GALNT13: variants seen among roughly 807,000 people sequenced by gnomAD.
GALNT13 encodes UDP-GalNAc:polypeptide N-acetylgalactosaminyltransferase 13.
A neutral mutation model predicts 64.2 loss-of-function variants in GALNT13; 28 were observed. The observed-to-expected ratio is 0.44, with a 90% CI of 0.32 to 0.60. GALNT13 has a LOEUF of 0.60. Among genes scored for constraint, GALNT13 ranks in the 20% least tolerant of loss-of-function variants. The pLI is 0.05. For missense variants in GALNT13, 577 were observed against 669.8 expected, an observed-to-expected ratio of 0.86 and a Z score of 1.53; for synonymous variants, 214 against 224.6, an observed-to-expected ratio of 0.95 and a Z score of 0.42.
At chr2:153,204,280 T>C in the GALNT13 span, among the ~76,000 whole-genome samples, 2 of 152,220 alleles carry the variant, frequency 1.3e-5, no homozygotes, top group Non-Finnish European at 2.9e-5. Flanking sequence ...TTGGTTGATG[T>C]ACTTCTCTCG....
intron 12 of GALNT13, among the ~76,000 whole-genome samples, chr2:154,442,546 A>C (rs758829920): frequency 3.9e-5 from 6 of 152,106 alleles, no homozygotes; most frequent in Non-Finnish European, 7.4e-5. Context: ...CTTCTGTGCC[A>C]TGAAATGCCT....
chr2:153,736,435 G>A, the GALNT13 span, among the ~76,000 whole-genome samples: 2 of 152,076 alleles, frequency 1.3e-5, no homozygotes, highest in Admixed American at 1.3e-4. Context: ...TTCCTCTCAA[G>A]AACATTGGTT....
chr2:154,057,029 T>A (rs927582172), intron 3 of GALNT13, among the ~76,000 whole-genome samples: 15 of 151,992 alleles, frequency 9.9e-5, no homozygotes, highest in African/African-American at 3.6e-4. Context: ...TATTTTTATT[T>A]TATTTTATTT....
the GALNT13 span, among the ~76,000 whole-genome samples, chr2:153,554,107 G>T: frequency 6.6e-6 from 1 of 151,472 alleles, no homozygotes; most frequent in African/African-American, 2.4e-5. Flanking sequence ...ACGAGGTCAG[G>T]AGATTGAGAC....
At chr2:153,777,729 G>C in the GALNT13 span, among the ~76,000 whole-genome samples, 1 of 152,112 alleles carries the variant, frequency 6.6e-6, no homozygotes, top group Non-Finnish European at 1.5e-5. Context: ...GCAGGCTTCG[G>C]GGCTTTGAGA....
chr2:153,681,531 G>A, the GALNT13 span, among the ~76,000 whole-genome samples: 2 of 151,648 alleles, frequency 1.3e-5, no homozygotes, highest in African/African-American at 2.4e-5. Context: ...TAAAAGACAT[G>A]AACAGAATTT....
chr2:153,696,131 A>G, the GALNT13 span, among the ~76,000 whole-genome samples: 1 of 152,198 alleles, frequency 6.6e-6, no homozygotes, highest in African/African-American at 2.4e-5. Context: ...CAAAACTTCA[A>G]AAGTAGGGAA....
chr2:153,370,036 T>C, the GALNT13 span, among the ~76,000 whole-genome samples: 4 of 152,278 alleles, frequency 2.6e-5, no homozygotes, highest in Middle Eastern at 3.4e-3. Context: ...CAGCAATAGA[T>C]ATCTAAGTTA....
At chr2:154,130,300 A>T (rs1052602893) in intron 3 of GALNT13, among the ~76,000 whole-genome samples, 1 of 152,054 alleles carries the variant, frequency 6.6e-6, no homozygotes, top group Non-Finnish European at 1.5e-5. Flanking sequence ...AGGGAAAGGG[A>T]CCCTGGCTGG....
the GALNT13 span, among the ~76,000 whole-genome samples, chr2:153,371,386 C>G: frequency 2.0e-5 from 3 of 152,036 alleles, no homozygotes; most frequent in Admixed American, 2.0e-4. Context: ...AAAATTCAAA[C>G]TATTTGCATA....
At chr2:153,768,403 A>G in the GALNT13 span, among the ~76,000 whole-genome samples, 3 of 152,170 alleles carry the variant, frequency 2.0e-5, no homozygotes, top group African/African-American at 4.8e-5. Flanking sequence ...GAAGTCCCGT[A>G]CTATTATTGT....
chr2:153,904,092 T>C (rs1270440577), intron 2 of GALNT13, among the ~76,000 whole-genome samples: 2 of 152,040 alleles, frequency 1.3e-5, no homozygotes, highest in East Asian at 3.8e-4. Context: ...CATTCTTCAG[T>C]GTATGGTGTC....
chr2:153,921,151 T>C (rs1689729984), intron 2 of GALNT13, among the ~76,000 whole-genome samples: 1 of 152,156 alleles, frequency 6.6e-6, no homozygotes, highest in African/African-American at 2.4e-5. Context: ...TATAAATCAC[T>C]CTACCATAAA....
the GALNT13 span, among the ~76,000 whole-genome samples, chr2:153,668,554 T>A: frequency 6.6e-6 from 1 of 151,818 alleles, no homozygotes; most frequent in Non-Finnish European, 1.5e-5. Flanking sequence ...TCCAAGTAGA[T>A]CTTCAGAAGG....
the GALNT13 span, among the ~76,000 whole-genome samples, chr2:153,361,379 A>G: frequency 6.6e-6 from 1 of 152,128 alleles, no homozygotes; most frequent in East Asian, 1.9e-4. Context: ...AAATGAATTG[A>G]CAGAAGTACG....
chr2:153,076,032 TCTA>T, the GALNT13 span, among the ~76,000 whole-genome samples: 2 of 152,232 alleles, frequency 1.3e-5, no homozygotes, highest in Non-Finnish European at 2.9e-5. Context: ...GATGGGCATT[TCTA>T]CTTTTTTGCT....
At chr2:153,950,870 C>T (rs936146898) in intron 3 of GALNT13, among the ~76,000 whole-genome samples, 10 of 151,900 alleles carry the variant, frequency 6.6e-5, no homozygotes, top group South Asian at 2.1e-4. Context: ...ACCTGAGCAT[C>T]GCACAATATA....
intron 1 of GALNT13, among the ~76,000 whole-genome samples, chr2:153,877,754 A>G (rs1402020337): frequency 6.6e-6 from 1 of 152,204 alleles, no homozygotes; most frequent in African/African-American, 2.4e-5. Context: ...AAATATATGT[A>G]AAGGTGTATC....
At chr2:154,295,737 C>T (rs1440626552) in intron 8 of GALNT13, among the ~76,000 whole-genome samples, 2 of 152,028 alleles carry the variant, frequency 1.3e-5, no homozygotes, top group Non-Finnish European at 2.9e-5. Flanking sequence ...AGCTCACATT[C>T]TCTTCTCTCC....
Sources: gnomAD v4.1 joint callset for allele counts (sites outside exome capture counted in the v4.1 genomes callset) on GRCh38, gnomAD v4.1.1 for gene constraint, MANE v1.5 for transcripts, NCBI Gene and HGNC (gene_info 2026-07-23, HGNC 2026-07-21) for gene names.